Variants in CRBN observed in about 807,000 individuals in gnomAD.
CRBN encodes protein cereblon.
CRBN carries 53 observed loss-of-function variants against 62.2 expected under a neutral mutation model. The observed-to-expected ratio is 0.85, with a 90% CI of 0.68 to 1.07. The LOEUF (loss-of-function observed/expected upper bound fraction) is 1.07, where lower values mean the gene tolerates loss of function less well. Ranked by LOEUF, CRBN falls within the 50% of genes least tolerant of loss-of-function variation. CRBN has a pLI of 0.00. For missense variants in CRBN, 616 were observed against 531.1 expected (o/e 1.16, Z -1.57); for synonymous variants, 208 against 176.1 (o/e 1.18, Z -1.43).
chr3:3,156,080 A>G, intron 6 of CRBN, 139 bp downstream of exon 6: 2 of 749,244 alleles, frequency 2.7e-6, no homozygotes, highest in Non-Finnish European at 4.6e-6. Flanking sequence ...CTGGGATTAC[A>G]GGTGTGAGCC....
chr3:3,163,704 T>C (rs1707223497), intron 5 of CRBN, among the ~76,000 whole-genome samples: 1 of 152,196 alleles, frequency 6.6e-6, no homozygotes, highest in Non-Finnish European at 1.5e-5. Context: ...GAAGCGTTAA[T>C]TTAGGATTTT....
intron 5 of CRBN, chr3:3,156,531 T>A: frequency 5.9e-6 from 3 of 509,916 alleles, no homozygotes; most frequent in Non-Finnish European, 1.0e-5. Context: ...AAAATTTCAA[T>A]GCTGAAGACA....
intron 1 of CRBN, among the ~76,000 whole-genome samples, chr3:3,177,537 T>G (rs559281131): frequency 6.6e-6 from 1 of 152,366 alleles, no homozygotes; most frequent in East Asian, 1.9e-4. Flanking sequence ...ACAAAAATAT[T>G]CTGCATCAAA....
intron 4 of CRBN, among the ~76,000 whole-genome samples, chr3:3,169,688 T>C (rs1223323077): frequency 6.6e-6 from 1 of 152,212 alleles, no homozygotes; most frequent in African/African-American, 2.4e-5. Context: ...ATTTATAAAG[T>C]TAAAATAAAA....
At chr3:3,164,572 G>A (rs1707254461) in intron 5 of CRBN, among the ~76,000 whole-genome samples, 1 of 152,180 alleles carries the variant, frequency 6.6e-6, no homozygotes, top group Non-Finnish European at 1.5e-5. Context: ...CTCTGCCTGT[G>A]CTCTGTAGTA....
rs1164960278 is a variant in CRBN at position 3,174,125 on chromosome 3, G to C, written c.311C>G (p.Pro104Arg). The change falls in exon 3 of 11, where the codon CCT becomes CGT. Residue 104 changes from proline (P) to arginine (R), a missense_variant. By Grantham distance (103) the Pro-to-Arg change is moderately radical (BLOSUM62 -2). Transcript: ENST00000231948. ...ATTCCGCACCATACTGACTTCTTGAGGGTGAAAAAGCTGAAGAGGTAATGT... is the reference window on the plus strand; with the variant it reads ...ATTCCGCACCATACTGACTTCTTGACGGTGAAAAAGCTGAAGAGGTAATGT... ...GQTLPLQLFH[P>R]QEVSMVRNLI... The C allele has an allele frequency of 2.5e-6, 4 of 1,613,994 alleles. No homozygotes were observed. Among genetic ancestry groups the C allele is most frequent in the African/African-American group, 2.7e-5 (2 of 74,922 alleles).
chr3:3,150,945 A>G lies in CRBN; in HGVS notation c.1249T>C (p.Leu417=), dbSNP rs1706494771. 6.2e-7 allele frequency: 1 copy of G among 1,613,958 alleles called. No individual in the cohort carries two copies. The highest frequency in any genetic ancestry group is 8.5e-7 in the Non-Finnish European group (1 of 1,179,990). ...GTGGGCAACAGAGCAGATCGCGTTA[A>G]GCCCCAAAATTTTTGAGGTGACATG... The part of the protein sequence containing the change: ...KDMSPQKFWG[L]TRSALLPTIP... The change falls in exon 11 of 11, where the codon TTA becomes CTA. Residue 417 remains leucine (L), a synonymous_variant. Coordinates refer to ENST00000231948, the MANE Select transcript of CRBN (RefSeq NM_016302.4).
At chr3:3,169,661 A>T (rs1438816215) in intron 4 of CRBN, among the ~76,000 whole-genome samples, 1 of 152,252 alleles carries the variant, frequency 6.6e-6, no homozygotes, top group Non-Finnish European at 1.5e-5. Context: ...TGGTCTCTCC[A>T]GATGAAAAAT....
At chr3:3,170,524 G>C (rs1707563597) in intron 4 of CRBN, among the ~76,000 whole-genome samples, 1 of 152,140 alleles carries the variant, frequency 6.6e-6, no homozygotes, top group Non-Finnish European at 1.5e-5. Flanking sequence ...TCGCTTATTT[G>C]CTGTTTAAGC....
intron 4 of CRBN, among the ~76,000 whole-genome samples, chr3:3,170,577 A>G (rs973946945): frequency 2.6e-5 from 4 of 152,192 alleles, no homozygotes; most frequent in Admixed American, 2.6e-4. Context: ...TGATACAGAA[A>G]AAGACGAGAC....
chr3:3,156,254 A>G lies in CRBN; in HGVS notation c.715T>C (p.Ser239Pro). The G allele has an allele frequency of 2.5e-6, 4 of 1,614,118 alleles. No individual in the cohort carries two copies. Among genetic ancestry groups the G allele is most frequent in the Non-Finnish European group, 3.4e-6 (4 of 1,179,976 alleles). ...KRKFHCANLT[S>P]WPRWLYSLYD... is the part of the protein sequence containing the mutation. ...AAGGAATACAGCCAGCGAGGCCATG[A>G]AGTTAGATTTGCACAATGAAACTTT... Residue 239 changes from serine (S) to proline (P), a missense_variant, in exon 6 of 11, where the codon TCA (serine) becomes CCA (proline). Transcript: ENST00000231948.
intron 5 of CRBN, among the ~76,000 whole-genome samples, chr3:3,162,433 T>A (rs1272021134): frequency 6.6e-6 from 1 of 152,112 alleles, no homozygotes; most frequent in Non-Finnish European, 1.5e-5. Context: ...AGAGCTCAAA[T>A]TCCAGAACAA....
chr3:3,158,539 A>AG (rs1275412278), intron 5 of CRBN, among the ~76,000 whole-genome samples: 1 of 152,250 alleles, frequency 6.6e-6, no homozygotes, highest in Non-Finnish European at 1.5e-5. Context: ...TTATTGTCAC[A>AG]GTCCAGTTAC....
intron 5 of CRBN, among the ~76,000 whole-genome samples, chr3:3,162,983 C>T (rs1050373145): frequency 1.3e-5 from 2 of 152,210 alleles, no homozygotes; most frequent in Non-Finnish European, 2.9e-5. Context: ...GCATGCCAAA[C>T]CACTCAGATG....
chr3:3,173,695 C>T (rs1228649245), intron 3 of CRBN, among the ~76,000 whole-genome samples: 1 of 152,066 alleles, frequency 6.6e-6, no homozygotes, highest in Non-Finnish European at 1.5e-5. Flanking sequence ...AAGAAAAGAC[C>T]ACTCTTTTGG....
rs140635372 is a variant in CRBN at position 3,178,094 on chromosome 3, G to A, written c.67+1527C>T. On this transcript the variant is annotated intron_variant, in intron 1 of 10. Transcript: ENST00000231948. ...GTCTGATGACTCATCTCATGCAGAGGCACGATGTGAATGTCGACAGAAGAT... is the reference window on the plus strand; with the variant it reads ...GTCTGATGACTCATCTCATGCAGAGACACGATGTGAATGTCGACAGAAGAT... Among the ~76,000 whole-genome samples, 120 of 152,078 alleles carry A rather than the reference G, an allele frequency of 7.9e-4. 1 individual carries two copies. The East Asian group carries it at 0.013, about 17-fold the overall frequency.
At chr3:3,159,475 C>A (rs554508634) in intron 5 of CRBN, among the ~76,000 whole-genome samples, 5 of 152,048 alleles carry the variant, frequency 3.3e-5, no homozygotes, top group Non-Finnish European at 5.9e-5. Context: ...TCATTTGGCA[C>A]CCATGTCAAG....
At chr3:3,156,312 A>C (rs772372524) in intron 5 of CRBN, 31 bp from the exon 6 acceptor site, 2 of 1,585,574 alleles carry the variant, frequency 1.3e-6, no homozygotes, top group Admixed American at 1.7e-5. Flanking sequence ...CACTTAAAAA[A>C]CCCCACAGAA....
chr3:3,161,727 T>C (rs1350477530), intron 5 of CRBN, among the ~76,000 whole-genome samples: 3 of 152,230 alleles, frequency 2.0e-5, no homozygotes. Flanking sequence ...TAAATGCATT[T>C]ACCCTGTGAG....
Sources: gnomAD v4.1 joint callset for allele counts (sites outside exome capture counted in the v4.1 genomes callset) on GRCh38, gnomAD v4.1.1 for gene constraint, MANE v1.5 for transcripts, NCBI Gene and HGNC (gene_info 2026-07-23, HGNC 2026-07-21) for gene names.